The following ESRRG variants were observed in gnomAD, a reference collection of about 807,000 sequenced individuals.
ESRRG encodes the protein estrogen-related receptor gamma.
ESRRG carries 13 observed loss-of-function variants against 44.0 expected under a neutral mutation model. The ratio of observed to expected loss-of-function variants is 0.30; its 90% CI spans 0.19 to 0.47. The LOEUF is 0.47. Ranked by LOEUF, ESRRG falls within the 20% of genes least tolerant of loss-of-function variation. ESRRG has a pLI of 1.00. For missense variants in ESRRG, 395 were observed against 580.6 expected (o/e 0.68, Z 3.29); for synonymous variants, 215 against 214.6 (o/e 1.00, Z -0.02).
rs532117410 is a variant in ESRRG, at chr1:216,794,628, C to A, written c.-13-117137G>T. Reference sequence around the variant, plus strand: ...AGAGCAACATTTCTTTTTTTTCCCACTGACTAAGCCCCTTTCCTAGACAAT... The same window carrying A: ...AGAGCAACATTTCTTTTTTTTCCCAATGACTAAGCCCCTTTCCTAGACAAT... On this transcript the variant is annotated intron_variant, in intron 2 of 7. Coordinates refer to the ESRRG transcript ENST00000359162. Among the ~76,000 whole-genome samples the A allele has an allele frequency of 2.8e-3, 432 of 152,262 alleles. 3 individuals are homozygous for A. Among genetic ancestry groups the A allele is most frequent in the Middle Eastern group, 6.8e-3 (2 of 294 alleles).
chr1:216,931,467 A>G (rs2063330198), intron 2 of ESRRG, among the ~76,000 whole-genome samples: 1 of 152,090 alleles, frequency 6.6e-6, no homozygotes, highest in South Asian at 2.1e-4. Flanking sequence ...GTCTTCCCAA[A>G]GTTTTCCAGC....
In ESRRG at chr1:217,031,370, G is replaced by A. The variant is rs561788186; in HGVS notation, c.-106+58137C>T. Among the ~76,000 whole-genome samples, 61 of 152,278 alleles carry A rather than the reference G, an allele frequency of 4.0e-4. 1 individual carries two copies. The highest frequency in any genetic ancestry group is 3.4e-3 in the Middle Eastern group (1 of 294). ...TTCCCACCATTGTCCTAAAGGTGTT[G>A]GGAGAGAATAAGAGGAGAATCGCAG... On this transcript the variant is annotated intron_variant, in intron 1 of 7. Coordinates refer to the ESRRG transcript ENST00000359162.
At chr1:216,867,904 CT>C (rs1299121647) in intron 2 of ESRRG, among the ~76,000 whole-genome samples, 5 of 151,984 alleles carry the variant, frequency 3.3e-5, no homozygotes, top group Non-Finnish European at 5.9e-5. Context: ...CTAGCAATCC[CT>C]TTATAGGCCA....
At chr1:216,612,909 A>G (rs1477204175) in intron 3 of ESRRG, among the ~76,000 whole-genome samples, 1 of 152,176 alleles carries the variant, frequency 6.6e-6, no homozygotes, top group Non-Finnish European at 1.5e-5. Flanking sequence ...AACTAAATAC[A>G]TGGGCCAGAA....
intron 1 of ESRRG, among the ~76,000 whole-genome samples, chr1:217,017,478 C>CA (rs55820027): frequency 0.074 from 6,118 of 82,306 alleles, 240 homozygotes; most frequent in Middle Eastern, 0.11. Context: ...CTACATAACT[C>CA]AAAAAAAAAA....
rs1318260404 is a variant in ESRRG, at chr1:216,757,545, G to A, written c.-13-80054C>T. Among the ~76,000 whole-genome samples, 2 of 151,988 alleles carry A rather than the reference G, an allele frequency of 1.3e-5. 1 individual carries two copies. Among genetic ancestry groups the A allele is most frequent in the Admixed American group, 1.3e-4 (2 of 15,216 alleles). ...CTAGACCAAAATAATGAAAATGTAA[G>A]TGAGGCTTGTTTGAGATTTTACCCA... On this transcript the variant is annotated intron_variant, in intron 2 of 7. Coordinates refer to the ESRRG transcript ENST00000359162.
chr1:216,686,636 A>T (rs2151651496), intron 1 of ESRRG, among the ~76,000 whole-genome samples: 1 of 151,994 alleles, frequency 6.6e-6, no homozygotes, highest in South Asian at 2.1e-4. Context: ...CAACTAAAAA[A>T]AAAGACTATA....
intron 2 of ESRRG, among the ~76,000 whole-genome samples, chr1:216,818,757 C>T (rs1352568099): frequency 2.6e-5 from 4 of 152,108 alleles, no homozygotes; most frequent in African/African-American, 7.2e-5. Context: ...TCCAGATGCT[C>T]TCACTTCCTC....
At chr1:216,793,325 A>G (rs560932623) in intron 2 of ESRRG, among the ~76,000 whole-genome samples, 232 of 152,316 alleles carry the variant, frequency 1.5e-3, no homozygotes, top group African/African-American at 5.2e-3. Context: ...TGTGTGACCA[A>G]TGGAATACAG....
At chr1:216,625,170 TCTA>T (rs2150554727) in intron 3 of ESRRG, among the ~76,000 whole-genome samples, 1 of 152,266 alleles carries the variant, frequency 6.6e-6, no homozygotes, top group African/African-American at 2.4e-5. Flanking sequence ...TTCATCTAAT[TCTA>T]CTATTTCTAC....
At chr1:217,083,849 T>C (rs1024490065) in intron 1 of ESRRG, among the ~76,000 whole-genome samples, 1 of 152,242 alleles carries the variant, frequency 6.6e-6, no homozygotes, top group Non-Finnish European at 1.5e-5. Context: ...CCATGTTTAC[T>C]ATAGTACTAT....
chr1:216,575,044 G>T (rs1279993834), intron 3 of ESRRG, among the ~76,000 whole-genome samples: 1 of 152,076 alleles, frequency 6.6e-6, no homozygotes, highest in Non-Finnish European at 1.5e-5. Context: ...AGCAAAGGCA[G>T]ATTAGCAGTA....
chr1:216,840,553 G>C (rs555408657), intron 2 of ESRRG, among the ~76,000 whole-genome samples: 3 of 152,104 alleles, frequency 2.0e-5, no homozygotes, highest in Non-Finnish European at 4.4e-5. Context: ...TGGCTAACTG[G>C]TGCAAGAGAC....
chr1:217,135,335 A>G (rs1394675793), intron 1 of ESRRG, among the ~76,000 whole-genome samples: 2 of 152,118 alleles, frequency 1.3e-5, no homozygotes, highest in Admixed American at 6.5e-5. Flanking sequence ...GTCTTGACTC[A>G]TTTTGCGCCC....
chr1:216,592,596 G>A (rs944172102), intron 3 of ESRRG, among the ~76,000 whole-genome samples: 3 of 151,976 alleles, frequency 2.0e-5, no homozygotes, highest in Non-Finnish European at 2.9e-5. Context: ...CACCTCCCAG[G>A]TTCAAGCGAT....
intron 1 of ESRRG, among the ~76,000 whole-genome samples, chr1:216,955,135 T>C (rs993476802): frequency 5.9e-5 from 9 of 152,156 alleles, no homozygotes; most frequent in Non-Finnish European, 1.3e-4. Context: ...TATAGAACAC[T>C]AGAACTTATT....
At chr1:216,972,067 T>C (rs1414272568) in intron 1 of ESRRG, among the ~76,000 whole-genome samples, 1 of 152,210 alleles carries the variant, frequency 6.6e-6, no homozygotes, top group Non-Finnish European at 1.5e-5. Context: ...TTTTTTTTTC[T>C]ATTTATATTT....
chr1:216,872,100 T>G (rs1195806535), intron 2 of ESRRG, among the ~76,000 whole-genome samples: 2 of 152,174 alleles, frequency 1.3e-5, no homozygotes, highest in Non-Finnish European at 2.9e-5. Flanking sequence ...TTGGCAGTTC[T>G]TTTCAGCACC....
intron 2 of ESRRG, among the ~76,000 whole-genome samples, chr1:216,765,615 C>T (rs1182892723): frequency 2.0e-5 from 3 of 152,112 alleles, no homozygotes; most frequent in Non-Finnish European, 2.9e-5. Context: ...AGGTGGGTTC[C>T]ATGCTGAGGG....
Sources: allele counts gnomAD v4.1 joint callset (sites outside exome capture counted in the v4.1 genomes callset), GRCh38; gene constraint gnomAD v4.1.1; transcripts MANE v1.5; gene names NCBI Gene and HGNC (gene_info 2026-07-23, HGNC 2026-07-21).